The following RANBP17 variants were observed in gnomAD, a reference collection of about 807,000 sequenced individuals.
RANBP17 encodes the protein ran-binding protein 17.
In RANBP17, 158 loss-of-function variants were observed where a neutral mutation model predicts 141.2. The ratio of observed to expected loss-of-function variants is 1.12; its 90% CI spans 0.98 to 1.28. The LOEUF (loss-of-function observed/expected upper bound fraction) is 1.28. Among genes scored for constraint, RANBP17 ranks in the 50% most tolerant of loss-of-function variants. RANBP17 has a pLI of 0.00. For synonymous variants in RANBP17, 430 were observed against 450.0 expected, an observed-to-expected ratio of 0.96 and a Z score of 0.56; for missense variants, 1,438 against 1,290.7, an observed-to-expected ratio of 1.11 and a Z score of -1.75.
At chr5:170,878,036 G>T in intron 1 of RANBP17, 61 bp from the exon 2 acceptor site, 1 of 1,217,694 alleles carries the variant, frequency 8.2e-7, no homozygotes, top group African/African-American at 1.5e-5. Context: ...TGTTTTTTGT[G>T]GTTAAATATT....
intron 14 of RANBP17, among the ~76,000 whole-genome samples, chr5:171,124,720 G>A (rs1174355142): frequency 1.3e-5 from 2 of 151,790 alleles, no homozygotes; most frequent in African/African-American, 2.4e-5. Context: ...GCAGATACAC[G>A]CAAAAAAGAA....
chr5:170,878,489 G>T (rs1404010384), intron 2 of RANBP17, among the ~76,000 whole-genome samples: 3 of 152,022 alleles, frequency 2.0e-5, no homozygotes, highest in African/African-American at 7.2e-5. Context: ...ATTACTATTG[G>T]TCTCTTTTTA....
intron 21 of RANBP17, among the ~76,000 whole-genome samples, 178 bp from the exon 22 acceptor site, chr5:171,221,580 C>A (rs557935932): frequency 6.6e-6 from 1 of 152,224 alleles, no homozygotes; most frequent in East Asian, 1.9e-4. Context: ...GTCCTACTAT[C>A]TTTAGAGTGA....
At chr5:171,134,077 C>G (rs1220480804) in intron 14 of RANBP17, among the ~76,000 whole-genome samples, 1 of 152,072 alleles carries the variant, frequency 6.6e-6, no homozygotes, top group African/African-American at 2.4e-5. Flanking sequence ...TGCATAAGTC[C>G]TAAAGTCCTA....
At chr5:171,089,634 G>A (rs1403278510) in intron 14 of RANBP17, among the ~76,000 whole-genome samples, 6 of 152,106 alleles carry the variant, frequency 3.9e-5, no homozygotes, top group African/African-American at 9.7e-5. Flanking sequence ...AGGACCCTCC[G>A]AGCCAGGTGT....
rs1439248531 is a variant in RANBP17, at chr5:171,207,073, C to T, written c.2231+1461C>T. On this transcript the variant is annotated intron_variant, in intron 20 of 27. Transcript: ENST00000523189. ...AACTCCTGGGCTCAAGCGATCCTCC[C>T]ACCTCAGCCTCCTGACTAGCTGGGA... 4 of 166,266 alleles carry T rather than the reference C, an allele frequency of 2.4e-5. No individual in the cohort carries two copies. In the East Asian group the frequency reaches 5.0e-4, roughly 21 times the overall value. The allele number at this position is 166,266 out of a possible 1,614,324, so 10.3% of individuals were successfully genotyped here.
At chr5:171,104,817 G>A (rs1252065623) in intron 14 of RANBP17, among the ~76,000 whole-genome samples, 1 of 152,192 alleles carries the variant, frequency 6.6e-6, no homozygotes. Flanking sequence ...TATAGAAGAT[G>A]CTTGTTAAGA....
chr5:170,983,315 T>G (rs1777902257), intron 14 of RANBP17: 2 of 247,842 alleles, frequency 8.1e-6, no homozygotes, highest in African/African-American at 4.4e-5. Flanking sequence ...TGGACCAGGT[T>G]GAGAGGAATT....
intron 24 of RANBP17, among the ~76,000 whole-genome samples, chr5:171,245,545 C>G (rs1765161475): frequency 6.6e-6 from 1 of 152,078 alleles, no homozygotes; most frequent in Non-Finnish European, 1.5e-5. Context: ...AACTCCCGAC[C>G]TTGGATGATC....
chr5:171,186,738 G>A (rs551402937), intron 18 of RANBP17, among the ~76,000 whole-genome samples: 4 of 150,818 alleles, frequency 2.7e-5, no homozygotes, highest in South Asian at 4.2e-4. Flanking sequence ...GGGTTTCACC[G>A]TTTTAGCCGG....
chr5:170,924,681 A>C, intron 12 of RANBP17, 131 bp downstream of exon 12: 1 of 571,282 alleles, frequency 1.8e-6, no homozygotes, highest in South Asian at 3.8e-5. Flanking sequence ...TAAACCATTA[A>C]TTTTATTAAC....
At chr5:170,873,460 G>A (rs1767922579) in intron 1 of RANBP17, among the ~76,000 whole-genome samples, 1 of 152,182 alleles carries the variant, frequency 6.6e-6, no homozygotes, top group Admixed American at 6.5e-5. Context: ...GAATTCGACT[G>A]TGAATCTGTC....
chr5:171,090,283 T>A (rs374778782), intron 14 of RANBP17, among the ~76,000 whole-genome samples: 9 of 152,196 alleles, frequency 5.9e-5, no homozygotes, highest in African/African-American at 2.2e-4. Flanking sequence ...AAGGTGACTC[T>A]TGTTATGTTT....
chr5:170,865,073 C>T (rs183253560), intron 1 of RANBP17, among the ~76,000 whole-genome samples: 6 of 151,842 alleles, frequency 4.0e-5, no homozygotes, highest in Non-Finnish European at 7.4e-5. Context: ...TTGTTGTTGT[C>T]GTTTGTTTTT....
At chr5:170,888,655 A>T (rs1039921802) in intron 3 of RANBP17, among the ~76,000 whole-genome samples, 1 of 152,074 alleles carries the variant, frequency 6.6e-6, no homozygotes, top group South Asian at 2.1e-4. Context: ...GAGCAAAGAC[A>T]CTTTTAGTTC....
At position 170,974,791 on chromosome 5, in the gene RANBP17, TA is replaced by T. The variant is rs1777243135; in HGVS notation, c.1710+6415del. Among the ~76,000 whole-genome samples the T allele has an allele frequency of 3.9e-5, 6 of 152,294 alleles. No homozygotes were observed. The South Asian group carries it at 1.2e-3, about 32-fold the overall frequency. ...ATGCCCTCTGAAGGGGTAATCACTT[TA>T]GCCTAGGCTGCACTTGGGCCTATGG... On this transcript the variant is annotated intron_variant, in intron 14 of 27. Transcript: ENST00000523189.
intron 1 of RANBP17, among the ~76,000 whole-genome samples, chr5:170,870,206 T>C (rs1412648050): frequency 6.6e-6 from 1 of 152,174 alleles, no homozygotes; most frequent in Non-Finnish European, 1.5e-5. Context: ...CATATATAAA[T>C]ACATATTTAA....
chr5:171,189,548 G>A (rs1014619906), intron 18 of RANBP17, among the ~76,000 whole-genome samples: 5 of 152,168 alleles, frequency 3.3e-5, no homozygotes, highest in Non-Finnish European at 7.3e-5. Flanking sequence ...CCAAGACACC[G>A]TCATTGTGGC....
At chr5:170,863,115 G>A (rs1766960759) in intron 1 of RANBP17, among the ~76,000 whole-genome samples, 1 of 152,158 alleles carries the variant, frequency 6.6e-6, no homozygotes, top group Admixed American at 6.5e-5. Context: ...CAGGGAACTT[G>A]CAGTCTACTG....
Sources: gnomAD v4.1 joint callset for allele counts (sites outside exome capture counted in the v4.1 genomes callset) on GRCh38, gnomAD v4.1.1 for gene constraint, MANE v1.5 for transcripts, NCBI Gene and HGNC (gene_info 2026-07-23, HGNC 2026-07-21) for gene names.